ATP13A4: variants seen among roughly 807,000 people sequenced by gnomAD.
ATP13A4 encodes the protein probable cation-transporting ATPase 13A4.
A neutral mutation model predicts 142.5 loss-of-function variants in ATP13A4; 114 were observed. The observed-to-expected ratio is 0.80, with a 90% CI of 0.69 to 0.93. The LOEUF (loss-of-function observed/expected upper bound fraction) is 0.93, where lower values mean the gene tolerates loss of function less well. Among genes scored for constraint, ATP13A4 ranks in the 40% least tolerant of loss-of-function variants. The probability of loss-of-function intolerance (pLI) is 0.00; values close to 1 mark genes in which losing one functional copy is unlikely to be tolerated. For synonymous variants in ATP13A4, 488 were observed against 514.8 expected, an observed-to-expected ratio of 0.95 and a Z score of 0.70; for missense variants, 1,392 against 1,454.0, an observed-to-expected ratio of 0.96 and a Z score of 0.69.
intron 1 of ATP13A4, among the ~76,000 whole-genome samples, chr3:193,589,274 A>G (rs1724721978): frequency 6.6e-6 from 1 of 152,110 alleles, no homozygotes; most frequent in Non-Finnish European, 1.5e-5. Context: ...AATGTTTGTT[A>G]ATAAGGATTA....
At position 193,483,917 on chromosome 3, in the gene ATP13A4, CT is replaced by C; in HGVS notation, c.808+18del. On this transcript the variant is annotated intron_variant, in intron 8 of 29. Coordinates refer to ENST00000342695, the MANE Select transcript of ATP13A4 (RefSeq NM_032279.4). ...GATTCCATGTGAATAGCATATAGAT[CT>C]AAAATAATGGAACTTACCTTTTCTC... 1 of 1,543,822 alleles carries C rather than the reference CT, an allele frequency of 6.5e-7. No homozygotes were observed. Among genetic ancestry groups the C allele is most frequent in the East Asian group, 2.2e-5 (1 of 44,450 alleles).
Position 193,445,116 on chromosome 3 carries a change from G to A in ATP13A4, c.2153-2560C>T, listed in dbSNP as rs148857020. Among the ~76,000 whole-genome samples the A allele has an allele frequency of 4.6e-5, 7 of 152,230 alleles. No individual in the cohort carries two copies. In the East Asian group the frequency reaches 5.8e-4, roughly 13 times the overall value. On this transcript the variant is annotated intron_variant, in intron 18 of 29. Transcript: ENST00000342695. ...TGACTAGAGAAGTCAAGAAGCTGCCGGAGACAGATGAAACCTGCTTTAAAA... is the reference window on the plus strand; with the variant it reads ...TGACTAGAGAAGTCAAGAAGCTGCCAGAGACAGATGAAACCTGCTTTAAAA...
chr3:193,432,766 A>G (rs1229891286), intron 25 of ATP13A4, among the ~76,000 whole-genome samples: 1 of 152,068 alleles, frequency 6.6e-6, no homozygotes, highest in Non-Finnish European at 1.5e-5. Context: ...AAGAAAGGCC[A>G]AAACTACTGA....
intron 1 of ATP13A4, among the ~76,000 whole-genome samples, chr3:193,592,291 G>T (rs746810984): frequency 2.6e-5 from 4 of 152,064 alleles, no homozygotes; most frequent in Non-Finnish European, 5.9e-5. Flanking sequence ...AAACATAAAA[G>T]GTTTGTGTTG....
chr3:193,436,457 C>CTT (rs1055376880), intron 23 of ATP13A4, among the ~76,000 whole-genome samples: 80 of 148,050 alleles, frequency 5.4e-4, no homozygotes, highest in African/African-American at 2.0e-3. Flanking sequence ...TTAAATTATA[C>CTT]TTTTTTTTTT....
rs112700407 is a variant in ATP13A4 at position 193,427,476 on chromosome 3, A to G, written c.2842+6369T>C. Among the ~76,000 whole-genome samples, 1,026 of 152,324 alleles carry G rather than the reference A, an allele frequency of 6.7e-3. 19 individuals are homozygous for G. Among genetic ancestry groups the G allele is most frequent in the African/African-American group, 0.023 (953 of 41,576 alleles). ...CTTTAAAGTTCATATGTAACCAAAA[A>G]AGAGCCCACATTGCCAAGACAATCT... is the stretch of plus-strand genomic sequence containing the variant. On this transcript the variant is annotated intron_variant, in intron 25 of 29. Coordinates refer to ENST00000342695, the MANE Select transcript of ATP13A4 (RefSeq NM_032279.4).
At chr3:193,492,848 A>G (rs1720017998) in intron 5 of ATP13A4, 69 bp downstream of exon 5, 1 of 1,126,262 alleles carries the variant, frequency 8.9e-7, no homozygotes, top group Non-Finnish European at 1.4e-6. Context: ...ATAACTATTT[A>G]CTAGCTGTCT....
At chr3:193,498,823 C>A (rs918210915) in intron 3 of ATP13A4, among the ~76,000 whole-genome samples, 1 of 152,148 alleles carries the variant, frequency 6.6e-6, no homozygotes, top group Non-Finnish European at 1.5e-5. Context: ...TATATTCTAC[C>A]TCAGCTTCTC....
intron 1 of ATP13A4, among the ~76,000 whole-genome samples, chr3:193,551,387 T>C (rs1723554450): frequency 6.6e-6 from 1 of 151,728 alleles, no homozygotes; most frequent in South Asian, 2.1e-4. Context: ...CACTCCAGCC[T>C]GGCAACAGAG....
intron 7 of ATP13A4, among the ~76,000 whole-genome samples, chr3:193,486,863 T>C (rs574564165): frequency 3.3e-4 from 51 of 152,254 alleles, no homozygotes; most frequent in African/African-American, 1.2e-3. Context: ...ATTTTTTAAA[T>C]AGCAAGTTAG....
intron 2 of ATP13A4, among the ~76,000 whole-genome samples, chr3:193,572,099 T>C (rs1168408492): frequency 2.0e-5 from 3 of 151,926 alleles, no homozygotes; most frequent in African/African-American, 7.3e-5. Context: ...TACAAAATAA[T>C]AATAATAGCC....
At chr3:193,448,634 C>A (rs1280393951) in intron 17 of ATP13A4, among the ~76,000 whole-genome samples, 1 of 152,200 alleles carries the variant, frequency 6.6e-6, no homozygotes, top group Non-Finnish European at 1.5e-5. Context: ...CTGCACCCAG[C>A]CACATTATAG....
intron 3 of ATP13A4, among the ~76,000 whole-genome samples, chr3:193,500,312 C>T (rs1720470117): frequency 6.6e-6 from 1 of 151,976 alleles, no homozygotes; most frequent in African/African-American, 2.4e-5. Context: ...AAGTTAAGCA[C>T]TGGGTGTTAG....
intron 1 of ATP13A4, among the ~76,000 whole-genome samples, chr3:193,524,474 T>C (rs1193531727): frequency 1.3e-5 from 2 of 152,174 alleles, no homozygotes; most frequent in Non-Finnish European, 2.9e-5. Context: ...GTCAGAAGTA[T>C]TGTGAATAAA....
rs112446206 is a variant in ATP13A4 at position 193,470,856 on chromosome 3, T to C, written c.943+3A>G. The C allele has an allele frequency of 1.2e-6, 2 of 1,614,036 alleles. No individual in the cohort carries two copies. Among genetic ancestry groups the C allele is most frequent in the South Asian group, 1.1e-5 (1 of 91,078 alleles). ...GTTGTCAGCTGTGGAGATGGAACTG[T>C]ACCTGTCAGCATGCCTTCATCCACC... On this transcript the variant is annotated splice_donor_region_variant and intron_variant, in intron 9 of 29. Coordinates refer to ENST00000342695, the MANE Select transcript of ATP13A4 (RefSeq NM_032279.4).
intron 1 of ATP13A4, among the ~76,000 whole-genome samples, chr3:193,538,381 G>A (rs187533151): frequency 6.6e-6 from 1 of 150,394 alleles, no homozygotes; most frequent in Non-Finnish European, 1.5e-5. Flanking sequence ...AGACAGGTAA[G>A]TAACCAAATC....
intron 25 of ATP13A4, among the ~76,000 whole-genome samples, chr3:193,433,531 T>A (rs1716094211): frequency 6.6e-6 from 1 of 152,196 alleles, no homozygotes; most frequent in Non-Finnish European, 1.5e-5. Context: ...TAACTGTATC[T>A]AAAAGCACTC....
At chr3:193,442,291 T>C (rs945207208) in intron 19 of ATP13A4, 102 bp downstream of exon 19, 2 of 1,251,028 alleles carry the variant, frequency 1.6e-6, no homozygotes, top group African/African-American at 3.0e-5. Context: ...GCATGAATGC[T>C]AGACATTTGG....
At chr3:193,546,369 C>A (rs1723227516) in intron 1 of ATP13A4, among the ~76,000 whole-genome samples, 1 of 152,076 alleles carries the variant, frequency 6.6e-6, no homozygotes, top group Admixed American at 6.6e-5. Context: ...CTGCATAAAC[C>A]CCAATTGTAG....
Sources: allele counts gnomAD v4.1 joint callset (sites outside exome capture counted in the v4.1 genomes callset), GRCh38; gene constraint gnomAD v4.1.1; transcripts MANE v1.5; gene names NCBI Gene and HGNC (gene_info 2026-07-23, HGNC 2026-07-21).